MAP3K3: variants seen among roughly 807,000 people sequenced by gnomAD.
MAP3K3 encodes MAP/ERK kinase kinase 3.
In MAP3K3, 12 loss-of-function variants were observed where a neutral mutation model predicts 80.9. The ratio of observed to expected loss-of-function variants is 0.15; its 90% confidence interval spans 0.10 to 0.24. The LOEUF (loss-of-function observed/expected upper bound fraction) is 0.24. Ranked by LOEUF, MAP3K3 falls within the 10% of genes least tolerant of loss-of-function variation. The pLI, the probability that MAP3K3 is intolerant of heterozygous loss-of-function variation, is 1.00. For missense variants in MAP3K3, 596 were observed against 834.7 expected, an observed-to-expected ratio of 0.71 and a Z score of 3.52; for synonymous variants, 272 against 307.1, an observed-to-expected ratio of 0.89 and a Z score of 1.19.
chr17:63,631,486 A>G (rs141697167), intron 1 of MAP3K3, among the ~76,000 whole-genome samples: 10 of 152,296 alleles, frequency 6.6e-5, no homozygotes, highest in African/African-American at 1.9e-4. Flanking sequence ...CAAGTCCCCA[A>G]ATGGCTCAGT....
chr17:63,668,754 C>G (rs1598099491), intron 6 of MAP3K3, among the ~76,000 whole-genome samples: 2 of 152,108 alleles, frequency 1.3e-5, no homozygotes. Flanking sequence ...TGAAGTAGTT[C>G]CTGTTTATCT....
chr17:63,669,855 A>G (rs2035069470), intron 6 of MAP3K3, among the ~76,000 whole-genome samples: 1 of 152,164 alleles, frequency 6.6e-6, no homozygotes, highest in Admixed American at 6.5e-5. Flanking sequence ...TAATCCCAGC[A>G]CTTTAGGAGG....
chr17:63,666,991 T>C lies in MAP3K3; in HGVS notation c.433T>C (p.Ser145Pro), dbSNP rs2035012577. 1.2e-6 allele frequency: 2 copies of C among 1,613,314 alleles called. No individual in the cohort carries two copies. Among genetic ancestry groups the C allele is most frequent in the East Asian group, 2.2e-5 (1 of 44,822 alleles). ...GVSRQVRIKASQSAGDINTIY... is the reference protein window; with the variant it reads ...GVSRQVRIKAPQSAGDINTIY... ...GTCCAGACAGGTGCGGATCAAGGCT[T>C]CCCAGTCCGCAGGGGATATAAATAC... The change falls in exon 6 of 16, where the codon TCC becomes CCC. Residue 145 changes from serine to proline, a missense_variant. This residue lies in a region of MAP3K3 where 232 missense variants were observed against 245.8 expected (regional missense o/e 0.94). Transcript: ENST00000361733.
chr17:63,671,468 A>G (rs1318188469), intron 6 of MAP3K3, among the ~76,000 whole-genome samples: 2 of 151,908 alleles, frequency 1.3e-5, no homozygotes, highest in African/African-American at 4.8e-5. Flanking sequence ...GTTGGCCAGG[A>G]TGGTCTCGAT....
At position 63,622,748 on chromosome 17, in the gene MAP3K3, G is replaced by A. The variant is rs1305868737; in HGVS notation, c.-12G>A. ...CTCACGGACCTTAGCCACCGCCGCC[G>A]CCATCGCCACCATGGGTAAGTGTCG... On this transcript the variant is annotated 5_prime_UTR_variant, in exon 1 of 16. Coordinates refer to ENST00000361733, the MANE Select transcript of MAP3K3 (RefSeq NM_002401.5). 5.7e-6 allele frequency: 3 copies of A among 524,126 alleles called. No individual in the cohort carries two copies. Among genetic ancestry groups the A allele is most frequent in the Admixed American group, 4.5e-5 (2 of 44,356 alleles). The allele number at this position is 524,126 out of a possible 1,614,324, so 32.5% of individuals were successfully genotyped here. A position where few individuals can be genotyped will look rare whatever the true frequency, so the allele number is the denominator to read the frequency against.
chr17:63,629,832 G>A (rs1221990427), intron 1 of MAP3K3, among the ~76,000 whole-genome samples: 2 of 152,230 alleles, frequency 1.3e-5, no homozygotes, highest in African/African-American at 4.8e-5. Flanking sequence ...TGTTCATTAA[G>A]TAATGCCAGG....
Position 63,690,291 on chromosome 17 carries a change from G to A in MAP3K3, c.1091G>A (p.Arg364Gln), listed in dbSNP as rs764375472. The A allele has an allele frequency of 1.7e-5, 28 of 1,614,028 alleles. No individual in the cohort carries two copies. The highest frequency in any genetic ancestry group is 3.3e-4 in the Middle Eastern group (2 of 6,062). Reference protein sequence around the residue: ...KSPSAPINWRRGKLLGQGAFG... With the variant: ...KSPSAPINWRQGKLLGQGAFG... Reference sequence around the variant, plus strand: ...CCCAGTGCCCCCATCAACTGGCGCCGGGGAAAGCTCCTGGGCCAGGGTGCC... The same window carrying A: ...CCCAGTGCCCCCATCAACTGGCGCCAGGGAAAGCTCCTGGGCCAGGGTGCC... The change falls in exon 12 of 16, where the codon CGG becomes CAG. Residue 364 changes from arginine to glutamine, a missense_variant. Arg to Gln is a conservative substitution (Grantham distance 43). This residue lies in a region of MAP3K3 where 364 missense variants were observed against 588.9 expected (regional missense o/e 0.62). Coordinates refer to ENST00000361733, the MANE Select transcript of MAP3K3 (RefSeq NM_002401.5).
intron 7 of MAP3K3, 86 bp downstream of exon 7, chr17:63,681,985 G>T: frequency 8.4e-7 from 1 of 1,190,216 alleles, no homozygotes; most frequent in South Asian, 3.3e-5. Flanking sequence ...TCACAGTGCA[G>T]AACTGAGGGA....
intron 1 of MAP3K3, among the ~76,000 whole-genome samples, chr17:63,632,309 T>C (rs1027968294): frequency 6.6e-6 from 1 of 151,956 alleles, no homozygotes; most frequent in Non-Finnish European, 1.5e-5. Flanking sequence ...CTGGGCAACA[T>C]GGGGAGACCC....
intron 5 of MAP3K3, among the ~76,000 whole-genome samples, chr17:63,660,528 C>G (rs2034867652): frequency 6.6e-6 from 1 of 151,508 alleles, no homozygotes; most frequent in Non-Finnish European, 1.5e-5. Flanking sequence ...TCTTCTTGTT[C>G]CTGTTTTGAA....
intron 6 of MAP3K3, among the ~76,000 whole-genome samples, chr17:63,667,713 A>C (rs2035028104): frequency 6.6e-6 from 1 of 152,216 alleles, no homozygotes; most frequent in Non-Finnish European, 1.5e-5. Flanking sequence ...GTTATTTATA[A>C]TATGATGTAA....
intron 3 of MAP3K3, among the ~76,000 whole-genome samples, chr17:63,648,893 C>G (rs964004438): frequency 6.6e-6 from 1 of 151,970 alleles, no homozygotes; most frequent in African/African-American, 2.4e-5. Flanking sequence ...AGTATAATTT[C>G]CAAAAATGAA....
rs2035651183 is a variant in MAP3K3, at chr17:63,694,349, T to C, written c.*572T>C. 1 of 152,636 alleles carries C rather than the reference T, an allele frequency of 6.6e-6. No individual in the cohort carries two copies. Among genetic ancestry groups the C allele is most frequent in the Non-Finnish European group, 1.5e-5 (1 of 68,072 alleles). The allele number at this position is 152,636 out of a possible 1,614,324, so 9.5% of individuals were successfully genotyped here. A position where few individuals can be genotyped will look rare whatever the true frequency, so the allele number is the denominator to read the frequency against. On this transcript the variant is annotated 3_prime_UTR_variant, in exon 16 of 16. Coordinates refer to ENST00000361733, the MANE Select transcript of MAP3K3 (RefSeq NM_002401.5). ...AGTCCTGTCCTTTACCAAAGATGAA[T>C]GAAGCAAATGTCATGCTGCCTTATT...
Position 63,692,211 on chromosome 17 carries a change from G to A in MAP3K3, c.1475-31G>A, listed in dbSNP as rs759627020. 2 of 1,612,696 alleles carry A rather than the reference G, an allele frequency of 1.2e-6. No homozygotes were observed. The highest frequency in any genetic ancestry group is 2.2e-5 in the East Asian group (1 of 44,876). On this transcript the variant is annotated intron_variant, in intron 14 of 15. Transcript: ENST00000361733. The surrounding 1 kb of genome is among the most constrained non-coding windows in gnomAD (Gnocchi z 4.5). ...ATGGGAGAAAATGCAAGAGGGTCCAGGGTTGCAGCCTCTGCCCTTTCATGC... is the reference window on the plus strand; with the variant it reads ...ATGGGAGAAAATGCAAGAGGGTCCAAGGTTGCAGCCTCTGCCCTTTCATGC...
At chr17:63,688,942 G>A in intron 10 of MAP3K3, 61 bp downstream of exon 10, 1 of 1,315,318 alleles carries the variant, frequency 7.6e-7, no homozygotes, top group South Asian at 1.2e-5. Flanking sequence ...TTGCCATGGG[G>A]AGGGTGGGTT....
chr17:63,688,464 G>A, intron 8 of MAP3K3, 63 bp from the exon 9 acceptor site: 1 of 1,312,356 alleles, frequency 7.6e-7, no homozygotes, highest in Non-Finnish European at 1.1e-6. Context: ...AGACTGCCTG[G>A]ACGCCCTGCT....
At chr17:63,690,969 AG>A in intron 12 of MAP3K3, 132 bp from the exon 13 acceptor site, 1 of 1,040,622 alleles carries the variant, frequency 9.6e-7, no homozygotes, top group Non-Finnish European at 1.4e-6. Flanking sequence ...CAGTTAAGAG[AG>A]TCCCCCTTTT....
intron 1 of MAP3K3, among the ~76,000 whole-genome samples, chr17:63,628,317 A>G (rs1054482848): frequency 8.6e-4 from 130 of 152,024 alleles, no homozygotes; most frequent in African/African-American, 2.9e-3. Context: ...TTATTTTTAT[A>G]CATTTGTATT....
intron 1 of MAP3K3, among the ~76,000 whole-genome samples, chr17:63,630,879 T>C (rs2034201397): frequency 6.6e-6 from 1 of 152,196 alleles, no homozygotes; most frequent in Non-Finnish European, 1.5e-5. Flanking sequence ...AATCTAATTT[T>C]ACTTTCCTGA....
Sources: gnomAD v4.1 joint callset for allele counts (sites outside exome capture counted in the v4.1 genomes callset) on GRCh38, gnomAD v4.1.1 for gene constraint, gnomAD v4.1.1 regional missense constraint, Gnocchi (gnomAD v3.1) non-coding constraint, MANE v1.5 for transcripts, NCBI Gene and HGNC (gene_info 2026-07-23, HGNC 2026-07-21) for gene names.